The following ZNF524 variants were observed in gnomAD, a reference collection of about 807,000 sequenced individuals.
The protein encoded by ZNF524 is zinc finger protein 524.
For synonymous variants in ZNF524, 194 were observed against 166.3 expected, an observed-to-expected ratio of 1.17 and a Z score of -1.28; for missense variants, 388 against 380.1, an observed-to-expected ratio of 1.02 and a Z score of -0.17.
chr19:55,599,836 G>C (rs1980553063), upstream of ZNF524: 2 of 152,142 alleles, frequency 1.3e-5, no homozygotes, highest in Admixed American at 6.5e-5. Context: ...TCACAGCCTC[G>C]GACTCCTCCG....
Position 55,602,617 on chromosome 19 carries a change from C to CAT in ZNF524, c.505_506insAT (p.Pro169HisfsTer?). ...CTGCAACATCCATGCCGGCCTGCGG[C>CAT]CCTTCCGCTGCCCGCTGTGCCCCCG... On this transcript the variant is annotated frameshift_variant, in exon 2 of 2. Coordinates refer to ENST00000301073, the MANE Select transcript of ZNF524 (RefSeq NM_153219.4). LOFTEE classifies it low-confidence loss of function (END_TRUNC). The CAT allele has an allele frequency of 6.3e-7, 1 of 1,580,988 alleles. No individual in the cohort carries two copies. Among genetic ancestry groups the CAT allele is most frequent in the Non-Finnish European group, 8.5e-7 (1 of 1,169,886 alleles).
At chr19:55,599,952 T>A (rs1338845513), upstream of ZNF524, 1 of 152,204 alleles carries the variant, frequency 6.6e-6, no homozygotes, top group African/African-American at 2.4e-5. Flanking sequence ...TAGCACTCCA[T>A]GGGCTTCGAA....
At chr19:55,601,198 G>T (rs1980664411) in intron 1 of ZNF524, 1 of 152,188 alleles carries the variant, frequency 6.6e-6, no homozygotes, top group Non-Finnish European at 1.5e-5. Flanking sequence ...CGGGTCACAA[G>T]ACCTGTTTCC....
Position 55,600,299 on chromosome 19 carries a change from C to G in ZNF524, c.-148C>G, listed in dbSNP as rs1486154606. ...CGGCACCGCGCGCCGCCGCCCCCGC[C>G]TCGCCGCCGCCGAGGGGCAGGGCCC... On this transcript the variant is annotated 5_prime_UTR_variant, in exon 1 of 2. Coordinates refer to ENST00000301073, the MANE Select transcript of ZNF524 (RefSeq NM_153219.4). 1 of 149,714 alleles carries G rather than the reference C, an allele frequency of 6.7e-6. No homozygotes were observed. Among genetic ancestry groups the G allele is most frequent in the Non-Finnish European group, 1.5e-5 (1 of 67,164 alleles). The allele number at this position is 149,714 out of a possible 1,614,324, so 9.3% of individuals were successfully genotyped here.
chr19:55,603,014 C>G lies in ZNF524; in HGVS notation c.*107C>G. The stretch of plus-strand genomic sequence containing the variant: ...GACACCCTTGTTTCCGGTGGTCTTC[C>G]CGTTGTGGGAGCAGGTGGAGGGTGG... On this transcript the variant is annotated 3_prime_UTR_variant, in exon 2 of 2. Coordinates refer to ENST00000301073, the MANE Select transcript of ZNF524 (RefSeq NM_153219.4). 1 of 1,348,652 alleles carries G rather than the reference C, an allele frequency of 7.4e-7. No individual in the cohort carries two copies. Among genetic ancestry groups the G allele is most frequent in the South Asian group, 1.5e-5 (1 of 65,544 alleles). The allele number at this position is 1,348,652 out of a possible 1,614,324, so 83.5% of individuals were successfully genotyped here. A position where few individuals can be genotyped will look rare whatever the true frequency, so the allele number is the denominator to read the frequency against.
chr19:55,600,450 G>GGA (rs1980607250), intron 1 of ZNF524, 42 bp downstream of exon 1: 1 of 147,258 alleles, frequency 6.8e-6, no homozygotes, highest in Non-Finnish European at 1.5e-5. Context: ...GGGGGGTGTG[G>GGA]GGGTAGGGGA....
chr19:55,602,657 C>T lies in ZNF524; in HGVS notation c.545C>T (p.Ala182Val). 2 of 1,593,884 alleles carry T rather than the reference C, an allele frequency of 1.3e-6. No individual in the cohort carries two copies. Among genetic ancestry groups the T allele is most frequent in the Non-Finnish European group, 1.7e-6 (2 of 1,175,892 alleles). ...CPLCPRRFREAGELAHHHRVH... is the reference protein window; with the variant it reads ...CPLCPRRFREVGELAHHHRVH... Reference sequence around the variant, plus strand: ...CTGTGCCCCCGCCGCTTCCGCGAGGCGGGCGAGCTGGCGCACCACCACCGC... The same window carrying T: ...CTGTGCCCCCGCCGCTTCCGCGAGGTGGGCGAGCTGGCGCACCACCACCGC... The change falls in exon 2 of 2, where the codon GCG becomes GTG. Residue 182 changes from alanine to valine, a missense_variant. Coordinates refer to ENST00000301073, the MANE Select transcript of ZNF524 (RefSeq NM_153219.4).
chr19:55,599,764 G>C (rs609075), upstream of ZNF524: 142,797 of 152,458 alleles, frequency 0.94, 67,040 homozygotes, highest in African/African-American at 0.98. Context: ...GAGAGCGAGG[G>C]GGCTTCTCCG....
rs1037726606 is a variant in ZNF524 at position 55,600,352 on chromosome 19, G to T, written c.-95G>T. ...TCACCCCCTCCCCTTCCCACGCGCC[G>T]GCCCCGTTGCCCCCGCGCGCGCGCA... On this transcript the variant is annotated 5_prime_UTR_variant, in exon 1 of 2. Coordinates refer to ENST00000301073, the MANE Select transcript of ZNF524 (RefSeq NM_153219.4). 6.7e-6 allele frequency: 1 copy of T among 149,188 alleles called. No homozygotes were observed. Among genetic ancestry groups the T allele is most frequent in the African/African-American group, 2.5e-5 (1 of 40,776 alleles). The allele number at this position is 149,188 out of a possible 1,614,324, so 9.2% of individuals were successfully genotyped here.
chr19:55,603,043 C>A lies in ZNF524; in HGVS notation c.*136C>A. ...TGTGGGAGCAGGTGGAGGGTGGAGA[C>A]CTAAACTTTGGGGTCCAGCTGCCTT... On this transcript the variant is annotated 3_prime_UTR_variant, in exon 2 of 2. Transcript: ENST00000301073. 1 of 1,147,158 alleles carries A rather than the reference C, an allele frequency of 8.7e-7. No individual in the cohort carries two copies. Among genetic ancestry groups the A allele is most frequent in the Non-Finnish European group, 1.2e-6 (1 of 825,298 alleles). The allele number at this position is 1,147,158 out of a possible 1,614,324, so 71.1% of individuals were successfully genotyped here. A position where few individuals can be genotyped will look rare whatever the true frequency, so the allele number is the denominator to read the frequency against.
chr19:55,601,419 G>C (rs1980674073), intron 1 of ZNF524: 1 of 152,240 alleles, frequency 6.6e-6, no homozygotes, highest in Non-Finnish European at 1.5e-5. Context: ...GCATGTCTGG[G>C]CAAGTACGTA....
chr19:55,602,562 C>G lies in ZNF524; in HGVS notation c.450C>G (p.Thr150=), dbSNP rs773936612. The G allele has an allele frequency of 4.4e-6, 7 of 1,588,466 alleles. No individual in the cohort carries two copies. The highest frequency in any genetic ancestry group is 6.0e-6 in the Non-Finnish European group (7 of 1,173,534). The change falls in exon 2 of 2, where the codon ACC becomes ACG. Residue 150 remains threonine, a synonymous_variant. Transcript: ENST00000301073. ...ACCAGTGCAAGGTTTGCGGCAAGAC[C>G]TTCAAGCGCTCCAGCCACCTGCGGC... is the stretch of plus-strand genomic sequence containing the variant. ...KPHQCKVCGK[T]FKRSSHLRRH...
chr19:55,601,939 G>T, intron 1 of ZNF524, 136 bp from the exon 2 acceptor site: 1 of 534,324 alleles, frequency 1.9e-6, no homozygotes. Flanking sequence ...CACCAGCATA[G>T]CTAAAATTGT....
Position 55,602,464 on chromosome 19 carries a change from G to T in ZNF524, c.352G>T (p.Val118Leu). Residue 118 changes from valine to leucine, a missense_variant, in exon 2 of 2, where the codon GTG (valine) becomes TTG (leucine). Coordinates refer to ENST00000301073, the MANE Select transcript of ZNF524 (RefSeq NM_153219.4). The part of the protein sequence containing the change: ...GPRKAPHFCP[V>L]CLRAFPYLSD... ...CAGGAAGGCCCCACACTTCTGCCCGGTGTGCCTGCGGGCCTTCCCCTACCT... is the reference window on the plus strand; with the variant it reads ...CAGGAAGGCCCCACACTTCTGCCCGTTGTGCCTGCGGGCCTTCCCCTACCT... 6.3e-7 allele frequency: 1 copy of T among 1,598,616 alleles called. No individual in the cohort carries two copies.
Position 55,602,812 on chromosome 19 carries a change from C to T in ZNF524, c.700C>T (p.Pro234Ser). 3 of 1,611,234 alleles carry T rather than the reference C, an allele frequency of 1.9e-6. No individual in the cohort carries two copies. Among genetic ancestry groups the T allele is most frequent in the Non-Finnish European group, 2.5e-6 (3 of 1,179,656 alleles). Residue 234 changes from proline to serine, a missense_variant, in exon 2 of 2, where the codon CCA becomes TCA. Coordinates refer to ENST00000301073, the MANE Select transcript of ZNF524 (RefSeq NM_153219.4). ...AMGVPLCAPD[P>S]GSEPPWDEEG... ...GGGGGTACCCCTGTGTGCACCAGATCCAGGGTCTGAACCGCCGTGGGACGA... is the reference window on the plus strand; with the variant it reads ...GGGGGTACCCCTGTGTGCACCAGATTCAGGGTCTGAACCGCCGTGGGACGA...
upstream of ZNF524, chr19:55,599,783 C>G (rs1298162779): frequency 3.9e-5 from 6 of 152,288 alleles, no homozygotes; most frequent in Admixed American, 3.9e-4. Context: ...CGTGGCGACA[C>G]TAGGCGATGC....
chr19:55,602,284 C>G lies in ZNF524; in HGVS notation c.172C>G (p.Pro58Ala), dbSNP rs757022370. The G allele has an allele frequency of 1.3e-6, 2 of 1,590,188 alleles. No individual in the cohort carries two copies. Among genetic ancestry groups the G allele is most frequent in the South Asian group, 1.1e-5 (1 of 88,078 alleles). The change falls in exon 2 of 2, where the codon CCC (proline) becomes GCC (alanine). Residue 58 changes from proline (P) to alanine (A), a missense_variant. Coordinates refer to ENST00000301073, the MANE Select transcript of ZNF524 (RefSeq NM_153219.4). ...CCTCCCTCGCAAGCGGGGCCGCCCC[C>G]CCAAGTCAGGGCAGGAGCCCCCACT... Reference protein sequence around the residue: ...ASLPRKRGRPPKSGQEPPLVQ... With the variant: ...ASLPRKRGRPAKSGQEPPLVQ...
In ZNF524 at chr19:55,602,510, G is replaced by A; in HGVS notation, c.398G>A (p.Ser133Asn). The A allele has an allele frequency of 6.3e-7, 1 of 1,597,968 alleles. No individual in the cohort carries two copies. Residue 133 changes from serine (S) to asparagine (N), a missense_variant, in exon 2 of 2, where the codon AGC becomes AAC. Transcript: ENST00000301073. The part of the protein sequence containing the change: ...FPYLSDLERH[S>N]ISHSELKPHQ... ...TACCTCTCCGACCTGGAGCGCCACA[G>A]CATCTCGCACTCAGAGCTGAAGCCG...
chr19:55,600,328 C>G lies in ZNF524; in HGVS notation c.-119C>G, dbSNP rs1452126097. ...CCGCCGCCGAGGGGCAGGGCCCCCT[C>G]ACCCCCTCCCCTTCCCACGCGCCGG... On this transcript the variant is annotated 5_prime_UTR_variant, in exon 1 of 2. Transcript: ENST00000301073. 2 of 150,036 alleles carry G rather than the reference C, an allele frequency of 1.3e-5. No individual in the cohort carries two copies. The highest frequency in any genetic ancestry group is 2.4e-5 in the African/African-American group (1 of 41,024). The allele number at this position is 150,036 out of a possible 1,614,324, so 9.3% of individuals were successfully genotyped here.
Sources: allele counts gnomAD v4.1 joint callset, GRCh38; gene constraint gnomAD v4.1.1; transcripts MANE v1.5; gene names NCBI Gene and HGNC (gene_info 2026-07-23, HGNC 2026-07-21).